The following UST variants were observed in gnomAD, a reference collection of about 807,000 sequenced individuals.
UST encodes the protein chondroitin sulfate 2-O-sulfotransferase.
A neutral mutation model predicts 45.6 loss-of-function variants in UST; 21 were observed. The observed-to-expected ratio is 0.46, with a 90% CI of 0.33 to 0.66. The LOEUF (loss-of-function observed/expected upper bound fraction) is 0.66, where lower values mean the gene tolerates loss of function less well. Ranked by LOEUF, UST falls within the 30% of genes least tolerant of loss-of-function variation. UST has a pLI of 0.02. For synonymous variants in UST, 215 were observed against 200.6 expected, an observed-to-expected ratio of 1.07 and a Z score of -0.61; for missense variants, 463 against 512.4, an observed-to-expected ratio of 0.90 and a Z score of 0.93.
intron 1 of UST, among the ~76,000 whole-genome samples, chr6:148,867,305 CACACACACACACACACACACACAT>C (rs2114809701): frequency 7.0e-6 from 1 of 142,452 alleles, no homozygotes; most frequent in South Asian, 2.4e-4. Context: ...CACACACACA[CACACACACACACACACACACACAT>C]ATATATGTAC....
intron 1 of UST, among the ~76,000 whole-genome samples, chr6:148,846,233 G>A (rs1777986543): frequency 6.6e-6 from 1 of 151,188 alleles, no homozygotes; most frequent in East Asian, 1.9e-4. Flanking sequence ...TTAAGAAAAT[G>A]TGGCACATAT....
chr6:148,852,733 C>T (rs1651555862), intron 1 of UST, among the ~76,000 whole-genome samples: 1 of 152,092 alleles, frequency 6.6e-6, no homozygotes. Flanking sequence ...CAGGTAGCAT[C>T]TTCCCCGGGA....
chr6:148,898,350 G>A (rs968264714), intron 2 of UST, among the ~76,000 whole-genome samples: 31 of 152,010 alleles, frequency 2.0e-4, no homozygotes, highest in African/African-American at 7.5e-4. Context: ...GTTGGAGATG[G>A]GTAATTAATA....
At chr6:149,045,858 T>A (rs1776387318) in intron 7 of UST, among the ~76,000 whole-genome samples, 1 of 152,140 alleles carries the variant, frequency 6.6e-6, no homozygotes, top group Non-Finnish European at 1.5e-5. Flanking sequence ...ATTTTGCCAG[T>A]CACCCAAGTC....
intron 2 of UST, among the ~76,000 whole-genome samples, chr6:148,891,745 T>A (rs1462203591): frequency 6.6e-6 from 1 of 152,260 alleles, no homozygotes; most frequent in African/African-American, 2.4e-5. Context: ...TTGATTAGTA[T>A]AATACACAAA....
intron 5 of UST, among the ~76,000 whole-genome samples, chr6:148,989,211 C>CT (rs756434953): frequency 3.1e-5 from 2 of 64,720 alleles, no homozygotes; most frequent in Admixed American, 1.5e-4. Flanking sequence ...CAGTAAAGGC[C>CT]CCCCCCCACC....
chr6:148,871,218 C>G (rs1160956929), intron 1 of UST, among the ~76,000 whole-genome samples: 1 of 151,280 alleles, frequency 6.6e-6, no homozygotes, highest in Non-Finnish European at 1.5e-5. Flanking sequence ...AGGACACAGG[C>G]AGGATGAGGG....
intron 7 of UST, among the ~76,000 whole-genome samples, chr6:149,033,928 CA>C (rs1467611030): frequency 1.3e-5 from 2 of 152,126 alleles, no homozygotes; most frequent in Admixed American, 6.6e-5. Flanking sequence ...GTTGCAGAGC[CA>C]ATCACTTTCA....
chr6:149,030,069 A>AT (rs1440150831), intron 7 of UST, among the ~76,000 whole-genome samples: 4 of 152,314 alleles, frequency 2.6e-5, no homozygotes, highest in African/African-American at 9.6e-5. Context: ...AGATGATCTC[A>AT]TTTGATTCTT....
intron 2 of UST, among the ~76,000 whole-genome samples, chr6:148,917,655 A>T (rs554689454): frequency 6.6e-6 from 1 of 152,328 alleles, no homozygotes; most frequent in African/African-American, 2.4e-5. Context: ...AGGCCTGCAC[A>T]ACCTGGGAAG....
At position 148,747,078 on chromosome 6, in the gene UST, G is replaced by GC. The variant is rs1034761232; in HGVS notation, c.-351dup. ...ACACGCCGAGACCTACAGACACAAA[G>GC]CCGGGGGGTCCACGCTGGCGCTGGA... is the stretch of plus-strand genomic sequence containing the variant. On this transcript the variant is annotated 5_prime_UTR_variant, in exon 1 of 8. Coordinates refer to ENST00000367463, the MANE Select transcript of UST (RefSeq NM_005715.3). Among the ~76,000 whole-genome samples the GC allele has an allele frequency of 4.6e-4, 70 of 151,604 alleles. No individual in the cohort carries two copies. The highest frequency in any genetic ancestry group is 3.4e-3 in the Middle Eastern group (1 of 292).
intron 1 of UST, among the ~76,000 whole-genome samples, chr6:148,810,619 A>C (rs1017262837): frequency 6.6e-6 from 1 of 152,186 alleles, no homozygotes; most frequent in Non-Finnish European, 1.5e-5. Context: ...GTGGGGTCAA[A>C]ATAAGTACCA....
At chr6:148,848,460 C>T (rs1778038841) in intron 1 of UST, among the ~76,000 whole-genome samples, 2 of 152,066 alleles carry the variant, frequency 1.3e-5, no homozygotes, top group South Asian at 2.1e-4. Flanking sequence ...ATCATGAGGT[C>T]GAGAGATCGA....
At chr6:148,993,142 G>A in intron 5 of UST, 5 of 902,750 alleles carry the variant, frequency 5.5e-6, no homozygotes, top group Non-Finnish European at 6.6e-6. Flanking sequence ...ATGTCAGTAA[G>A]TTCGATTTCT....
At chr6:148,840,404 T>C (rs1309739501) in intron 1 of UST, among the ~76,000 whole-genome samples, 1 of 152,230 alleles carries the variant, frequency 6.6e-6, no homozygotes, top group African/African-American at 2.4e-5. Context: ...AGAATGCACC[T>C]CTTTTGTATG....
At chr6:148,971,268 C>T (rs1278228240) in intron 5 of UST, among the ~76,000 whole-genome samples, 2 of 152,054 alleles carry the variant, frequency 1.3e-5, no homozygotes, top group African/African-American at 2.4e-5. Flanking sequence ...CCAATCCATC[C>T]GTCATTCGTT....
intron 2 of UST, among the ~76,000 whole-genome samples, chr6:148,937,760 A>G (rs1323344666): frequency 1.3e-5 from 2 of 152,288 alleles, no homozygotes. Flanking sequence ...CTATTCCGTA[A>G]TGTGCTATGA....
chr6:149,035,314 T>G (rs1408553283), intron 7 of UST, among the ~76,000 whole-genome samples: 4 of 152,266 alleles, frequency 2.6e-5, no homozygotes. Flanking sequence ...AGACATTGGT[T>G]TAAGCGTTTT....
At chr6:148,758,600 G>T (rs1011455705) in intron 1 of UST, among the ~76,000 whole-genome samples, 8 of 152,104 alleles carry the variant, frequency 5.3e-5, no homozygotes, top group African/African-American at 1.9e-4. Flanking sequence ...CCAGTAGTAC[G>T]CCCACTTTCT....
Sources: allele counts gnomAD v4.1 joint callset (sites outside exome capture counted in the v4.1 genomes callset), GRCh38; gene constraint gnomAD v4.1.1; transcripts MANE v1.5; gene names NCBI Gene and HGNC (gene_info 2026-07-23, HGNC 2026-07-21).